IQSEC3: variants seen among roughly 807,000 people sequenced by gnomAD.
IQSEC3 encodes IQ motif and Sec7 domain ArfGEF 3, also known as IQ motif and SEC7 domain-containing protein 3.
Under a neutral mutation model 105.4 loss-of-function variants are expected in IQSEC3, and 50 were observed. The observed-to-expected ratio is 0.47, with a 90% CI of 0.38 to 0.60. The LOEUF (loss-of-function observed/expected upper bound fraction) is 0.60. IQSEC3 is among the 20% of genes least tolerant of loss of function. The pLI is 0.00. For missense variants in IQSEC3, 1,415 were observed against 1,630.0 expected, an observed-to-expected ratio of 0.87 and a Z score of 2.27; for synonymous variants, 708 against 746.0, an observed-to-expected ratio of 0.95 and a Z score of 0.83.
Position 67,273 on chromosome 12 carries a change from A to C in IQSEC3, c.391A>C (p.Arg131=), listed in dbSNP as rs782676329. The change falls in exon 1 of 14, where the codon AGG becomes CGG. Residue 131 remains arginine (R), a synonymous_variant. Transcript: ENST00000538872. ...GCAGCCCCAGCGGGGCCCTGGCAGCAGGGCTCACACACCCCAGTCGCCCCA... is the reference window on the plus strand; with the variant it reads ...GCAGCCCCAGCGGGGCCCTGGCAGCCGGGCTCACACACCCCAGTCGCCCCA... ...LEQPQRGPGS[R]AHTPQSPHKH... is the part of the protein sequence containing the mutation. 6.3e-7 allele frequency: 1 copy of C among 1,597,108 alleles called. No individual in the cohort carries two copies. Among genetic ancestry groups the C allele is most frequent in the South Asian group, 1.1e-5 (1 of 90,862 alleles).
chr12:128,842 A>C (rs1865499718), intron 3 of IQSEC3, among the ~76,000 whole-genome samples: 1 of 151,902 alleles, frequency 6.6e-6, no homozygotes, highest in Non-Finnish European at 1.5e-5. Flanking sequence ...TGCACCTCTG[A>C]CCGCGCTGAT....
chr12:165,371 G>A, intron 9 of IQSEC3, 63 bp from the exon 10 acceptor site: 2 of 1,257,954 alleles, frequency 1.6e-6, no homozygotes, highest in East Asian at 4.6e-5. Context: ...CCGGGTGTTT[G>A]TGCATCCATG....
intron 13 of IQSEC3, chr12:171,549 T>G: frequency 8.6e-6 from 5 of 581,532 alleles, no homozygotes; most frequent in Non-Finnish European, 1.5e-5. Flanking sequence ...CCACATCCCG[T>G]TCCCCAAGTC....
intron 2 of IQSEC3, among the ~76,000 whole-genome samples, chr12:110,972 A>G (rs1555079404): frequency 6.6e-6 from 1 of 152,096 alleles, no homozygotes; most frequent in East Asian, 1.9e-4. Flanking sequence ...GGATTTAAGG[A>G]AGCATTGGGT....
At chr12:107,881 T>C (rs1408594250) in intron 2 of IQSEC3, among the ~76,000 whole-genome samples, 1 of 152,084 alleles carries the variant, frequency 6.6e-6, no homozygotes, top group East Asian at 1.9e-4. Context: ...ATATCAGTTC[T>C]CTCCTTGTGA....
rs571622923 is a variant in IQSEC3 at position 106,760 on chromosome 12, G to A, written c.623+7546G>A. On this transcript the variant is annotated intron_variant, in intron 2 of 13. Coordinates refer to ENST00000538872, the MANE Select transcript of IQSEC3 (RefSeq NM_001170738.2). ...TCCAGGAAGAGTAACCTTTGTAGGC[G>A]TAGAGATTTTTCTAATCCCACTATT... 1.1e-4 allele frequency: 17 copies of A among 152,184 alleles called. 1 individual carries two copies. The highest frequency in any genetic ancestry group is 7.2e-4 in the Admixed American group (11 of 15,288). 9.4% of individuals were successfully genotyped at this position (152,184 alleles called of 1,614,324 possible).
rs782007729 is a variant in IQSEC3 at position 171,173 on chromosome 12, C to T, written c.3114+12C>T. ...AGAGCACGGTGGAGGTAAGTGGAGC[C>T]CTGGTTGCCCAGGTGAGTGACTACC... On this transcript the variant is annotated intron_variant, in intron 13 of 13. Coordinates refer to ENST00000538872, the MANE Select transcript of IQSEC3 (RefSeq NM_001170738.2). The T allele has an allele frequency of 4.7e-5, 76 of 1,613,968 alleles. No individual in the cohort carries two copies. The highest frequency in any genetic ancestry group is 6.3e-5 in the Non-Finnish European group (74 of 1,179,984).
chr12:108,399 G>A (rs1231573863), intron 2 of IQSEC3, among the ~76,000 whole-genome samples: 4 of 152,310 alleles, frequency 2.6e-5, no homozygotes, highest in Admixed American at 2.6e-4. Flanking sequence ...GGGCTGAGCA[G>A]TTATTGGGTA....
chr12:171,302 CAATTAAAAG>C, intron 13 of IQSEC3, 141 bp downstream of exon 13: 1 of 1,614,026 alleles, frequency 6.2e-7, no homozygotes. Context: ...TCAAGAGATA[CAATTAAAAG>C]TTACTGCTAG....
intron 2 of IQSEC3, among the ~76,000 whole-genome samples, chr12:110,780 T>A (rs1210722840): frequency 1.3e-5 from 2 of 152,160 alleles, no homozygotes; most frequent in Non-Finnish European, 2.9e-5. Flanking sequence ...ATTTTCTTTT[T>A]AGAATTCTGA....
At chr12:156,463 G>T (rs1427956394) in intron 5 of IQSEC3, among the ~76,000 whole-genome samples, 5 of 152,028 alleles carry the variant, frequency 3.3e-5, no homozygotes, top group Admixed American at 1.3e-4. Context: ...GGGGCAGCTG[G>T]GGGGAGCTGG....
chr12:150,352 C>CAT lies in IQSEC3; in HGVS notation c.2154-6673_2154-6672insAT, dbSNP rs549738258. 1.4e-4 allele frequency among the ~76,000 whole-genome samples: 21 copies of CAT among 152,328 alleles called. No individual in the cohort carries two copies. The South Asian group carries it at 4.4e-3, about 32-fold the overall frequency. On this transcript the variant is annotated intron_variant, in intron 5 of 13. Transcript: ENST00000538872. ...CATTTCATCTGAAGAATCTATCAAA[C>CAT]TAGACATTGTCAAATATTTACTCAA...
chr12:176,557 G>C lies in IQSEC3; in HGVS notation c.*1524G>C, dbSNP rs191336346. ...CCACCCCGCCCCGCCTGCAGTAGCCGGGCCAGGTAGGAGGCAAGGATCATT... is the reference window on the plus strand; with the variant it reads ...CCACCCCGCCCCGCCTGCAGTAGCCCGGCCAGGTAGGAGGCAAGGATCATT... On this transcript the variant is annotated 3_prime_UTR_variant, in exon 14 of 14. Transcript: ENST00000538872. This position sits in a 1 kb window ranked among gnomAD's most constrained non-coding sequence, Gnocchi z 4.0. 5 of 152,222 alleles carry C rather than the reference G, an allele frequency of 3.3e-5. No individual in the cohort carries two copies. The allele number at this position is 152,222 out of a possible 1,614,324, so 9.4% of individuals were successfully genotyped here. A position where few individuals can be genotyped will look rare whatever the true frequency, so the allele number is the denominator to read the frequency against.
intron 3 of IQSEC3, among the ~76,000 whole-genome samples, chr12:127,685 G>T (rs1335526174): frequency 6.6e-6 from 1 of 152,166 alleles, no homozygotes; most frequent in Non-Finnish European, 1.5e-5. Context: ...TTTTTGAGAA[G>T]TGTCTGTTCA....
In IQSEC3 at chr12:125,673, T is replaced by G; in HGVS notation, c.664T>G (p.Ser222Ala). Residue 222 changes from serine (S) to alanine (A), a missense_variant, in exon 3 of 14, where the codon TCC becomes GCC. This residue lies in a region of IQSEC3 where 720 missense variants were observed against 633.0 expected (regional missense o/e 1.14). Transcript: ENST00000538872. ...CTQAGGGMED[S>A]VVAAAAVAAG... ...CCAGGCCGGTGGGGGCATGGAGGACTCCGTGGTGGCAGCGGCGGCGGTGGC... is the reference window on the plus strand; with the variant it reads ...CCAGGCCGGTGGGGGCATGGAGGACGCCGTGGTGGCAGCGGCGGCGGTGGC... The G allele has an allele frequency of 6.5e-7, 1 of 1,540,542 alleles. No individual in the cohort carries two copies. Among genetic ancestry groups the G allele is most frequent in the East Asian group, 2.3e-5 (1 of 43,080 alleles).
intron 3 of IQSEC3, among the ~76,000 whole-genome samples, chr12:126,649 A>T (rs1865424482): frequency 6.6e-6 from 1 of 151,974 alleles, no homozygotes; most frequent in African/African-American, 2.4e-5. Flanking sequence ...CATGGGATCC[A>T]GTCCTCGCTC....
chr12:114,256 G>C (rs953385), intron 2 of IQSEC3, among the ~76,000 whole-genome samples: 54,086 of 152,092 alleles, frequency 0.36, 9,890 homozygotes, highest in Non-Finnish European at 0.4. Flanking sequence ...AGAAAGTACA[G>C]GCCACATGCT....
At chr12:83,268 C>T (rs1308696227) in intron 1 of IQSEC3, among the ~76,000 whole-genome samples, 9 of 152,144 alleles carry the variant, frequency 5.9e-5, no homozygotes, top group Non-Finnish European at 1.3e-4. Flanking sequence ...TGTTGAGCAC[C>T]TACGGCATGT....
At chr12:162,933 A>G (rs78447789) in intron 8 of IQSEC3, among the ~76,000 whole-genome samples, 8,341 of 152,192 alleles carry the variant, frequency 0.055, 287 homozygotes, top group Middle Eastern at 0.11. Flanking sequence ...GGACTGGAAC[A>G]GCCTGCAAGC....
Sources: gnomAD v4.1 joint callset for allele counts (sites outside exome capture counted in the v4.1 genomes callset) on GRCh38, gnomAD v4.1.1 for gene constraint, gnomAD v4.1.1 regional missense constraint, Gnocchi (gnomAD v3.1) non-coding constraint, MANE v1.5 for transcripts, NCBI Gene and HGNC (gene_info 2026-07-23, HGNC 2026-07-21) for gene names.